LAMC2: variants seen among roughly 807,000 people sequenced by gnomAD.
LAMC2 encodes the protein laminin subunit gamma 2.
In LAMC2, 97 loss-of-function variants were observed where a neutral mutation model predicts 140.2. That is an observed-to-expected ratio of 0.69 (90% CI 0.59 to 0.82). The LOEUF (loss-of-function observed/expected upper bound fraction) is 0.82. LAMC2 is among the 40% of genes least tolerant of loss of function. The pLI, the probability that LAMC2 is intolerant of heterozygous loss-of-function variation, is 0.00. For synonymous variants in LAMC2, 513 were observed against 540.2 expected, an observed-to-expected ratio of 0.95 and a Z score of 0.70; for missense variants, 1,402 against 1,476.1, an observed-to-expected ratio of 0.95 and a Z score of 0.82.
Position 183,222,152 on chromosome 1 carries a change from G to T in LAMC2, c.704G>T (p.Arg235Leu). The change falls in exon 6 of 23, where the codon CGC becomes CTC. Residue 235 changes from arginine (R) to leucine (L), a missense_variant. Physicochemically the swap from Arg to Leu is moderately radical, Grantham distance 102. Transcript: ENST00000264144. ...GSPAKLQWSQ[R>L]HQDVFSSAQR... ...CCTGCAAAGCTCCAATGGTCACAGC[G>T]CCATCAAGATGTGTTTAGCTCAGCC... 1 of 1,614,050 alleles carries T rather than the reference G, an allele frequency of 6.2e-7. No homozygotes were observed. The highest frequency in any genetic ancestry group is 2.2e-5 in the East Asian group (1 of 44,888).
At chr1:183,201,219 G>A (rs770935039) in intron 1 of LAMC2, among the ~76,000 whole-genome samples, 1 of 152,186 alleles carries the variant, frequency 6.6e-6, no homozygotes, top group African/African-American at 2.4e-5. Context: ...AGAGTTCAGT[G>A]AAAGATGGAG....
rs371521389 is a variant in LAMC2 at position 183,227,465 on chromosome 1, T to C, written c.1286-50T>C. On this transcript the variant is annotated intron_variant, in intron 9 of 22. Transcript: ENST00000264144. ...CTGACCCATGTTGAAGGAAATGTAT[T>C]GTCTGACCCTGCTCACTTCTCTGCC... 8 of 1,504,284 alleles carry C rather than the reference T, an allele frequency of 5.3e-6. No homozygotes were observed. The African/African-American group carries it at 9.6e-5, about 18-fold the overall frequency. The allele number at this position is 1,504,284 out of a possible 1,614,324, so 93.2% of individuals were successfully genotyped here.
chr1:183,189,312 G>T (rs758671830), intron 1 of LAMC2, among the ~76,000 whole-genome samples: 8 of 152,140 alleles, frequency 5.3e-5, no homozygotes, highest in Admixed American at 1.3e-4. Context: ...GGATCAGTCT[G>T]GGCACAGTGA....
chr1:183,239,955 G>T (rs558798871), intron 20 of LAMC2, 85 bp from the exon 21 acceptor site: 18 of 1,484,122 alleles, frequency 1.2e-5, no homozygotes, highest in Non-Finnish European at 1.7e-5. Context: ...GGCTGCCGCT[G>T]TATTTTTTCT....
chr1:183,218,949 T>C (rs1571521853), intron 4 of LAMC2, among the ~76,000 whole-genome samples: 4 of 152,194 alleles, frequency 2.6e-5, no homozygotes, highest in Admixed American at 2.6e-4. Context: ...GGCACTGCCC[T>C]GGGGATAGGA....
At chr1:183,209,379 G>A (rs1659003060) in intron 2 of LAMC2, among the ~76,000 whole-genome samples, 1 of 152,166 alleles carries the variant, frequency 6.6e-6, no homozygotes, top group Non-Finnish European at 1.5e-5. Context: ...TGCTGGTAGA[G>A]TGGTTTGGGA....
intron 22 of LAMC2, among the ~76,000 whole-genome samples, chr1:183,241,699 C>T (rs1334524444): frequency 6.6e-6 from 1 of 151,734 alleles, no homozygotes. Context: ...ATGCCAATGT[C>T]ATCTGTGTTG....
chr1:183,254,409 C>A, the LAMC2 span, among the ~76,000 whole-genome samples: 1 of 150,682 alleles, frequency 6.6e-6, no homozygotes, highest in Non-Finnish European at 1.5e-5. Context: ...CTACTCAAAT[C>A]TTCTGGTGTT....
At chr1:183,219,061 C>A (rs570947926) in intron 4 of LAMC2, among the ~76,000 whole-genome samples, 1 of 152,302 alleles carries the variant, frequency 6.6e-6, no homozygotes, top group South Asian at 2.1e-4. Flanking sequence ...GAGGCACCAT[C>A]CCCCCAAGCT....
At chr1:183,253,339 A>G in the LAMC2 span, among the ~76,000 whole-genome samples, 5 of 148,340 alleles carry the variant, frequency 3.4e-5, no homozygotes, top group Non-Finnish European at 5.9e-5. Flanking sequence ...TTAATATTAT[A>G]TTATTTATAT....
At chr1:183,204,822 C>CT (rs57513842) in intron 1 of LAMC2, among the ~76,000 whole-genome samples, 20 of 149,292 alleles carry the variant, frequency 1.3e-4, no homozygotes, top group East Asian at 2.0e-4. Flanking sequence ...AAAGCATGTT[C>CT]TTTTTTTTTT....
intron 1 of LAMC2, among the ~76,000 whole-genome samples, chr1:183,204,915 C>T (rs941992072): frequency 2.0e-5 from 3 of 152,166 alleles, no homozygotes; most frequent in Admixed American, 2.0e-4. Flanking sequence ...CTCCTCCTCC[C>T]AGGTTCAAGT....
chr1:183,200,720 A>G (rs1275771479), intron 1 of LAMC2, among the ~76,000 whole-genome samples: 1 of 151,914 alleles, frequency 6.6e-6, no homozygotes, highest in Non-Finnish European at 1.5e-5. Flanking sequence ...AGCCCGAGGG[A>G]TCCTGCTCGC....
intron 1 of LAMC2, among the ~76,000 whole-genome samples, chr1:183,204,185 G>A (rs1001459613): frequency 1.5e-4 from 23 of 152,242 alleles, no homozygotes; most frequent in African/African-American, 5.5e-4. Context: ...CAGCTACTCG[G>A]GAGGCTGAAG....
At chr1:183,193,141 C>T (rs578121984) in intron 1 of LAMC2, among the ~76,000 whole-genome samples, 2 of 152,234 alleles carry the variant, frequency 1.3e-5, no homozygotes, top group East Asian at 3.9e-4. Flanking sequence ...AATATATTGG[C>T]CTTTCCTTTA....
Position 183,237,407 on chromosome 1 carries a change from C to T in LAMC2, c.2657C>T (p.Thr886Ile). 6.2e-7 allele frequency: 1 copy of T among 1,614,048 alleles called. No homozygotes were observed. Among genetic ancestry groups the T allele is most frequent in the Non-Finnish European group, 8.5e-7 (1 of 1,179,938 alleles). The change falls in exon 18 of 23, where the codon ACC (threonine) becomes ATC (isoleucine). Residue 886 changes from threonine (T) to isoleucine (I), a missense_variant. Thr to Ile is a moderately conservative substitution (Grantham distance 89). Transcript: ENST00000264144. ...GCGGATTCACTCTCAAGCCTGGTAACCAGGCATATGGATGAGTTCAAGCGT... is the reference window on the plus strand; with the variant it reads ...GCGGATTCACTCTCAAGCCTGGTAATCAGGCATATGGATGAGTTCAAGCGT... ...QKADSLSSLV[T>I]RHMDEFKRTQ...
At chr1:183,237,111 A>G (rs1659987970) in intron 17 of LAMC2, among the ~76,000 whole-genome samples, 1 of 152,212 alleles carries the variant, frequency 6.6e-6, no homozygotes, top group Non-Finnish European at 1.5e-5. Context: ...TAACATGTAA[A>G]CATTTAAAAA....
intron 1 of LAMC2, among the ~76,000 whole-genome samples, chr1:183,196,480 G>A (rs1658519563): frequency 6.6e-6 from 1 of 152,280 alleles, no homozygotes; most frequent in African/African-American, 2.4e-5. Flanking sequence ...TCTATTTAAA[G>A]GACCCTTTCA....
At chr1:183,227,005 C>A in intron 9 of LAMC2, 89 bp downstream of exon 9, 2 of 1,034,930 alleles carry the variant, frequency 1.9e-6, no homozygotes, top group South Asian at 1.4e-5. Flanking sequence ...GAACTCACAT[C>A]AGAGGTGGGA....
Sources: allele counts gnomAD v4.1 joint callset (sites outside exome capture counted in the v4.1 genomes callset), GRCh38; gene constraint gnomAD v4.1.1; transcripts MANE v1.5; gene names NCBI Gene and HGNC (gene_info 2026-07-23, HGNC 2026-07-21).